The following RYR2 variants were observed in gnomAD, a reference collection of about 807,000 sequenced individuals.
The protein encoded by RYR2 is ryanodine receptor 2, also known as cardiac muscle ryanodine receptor-calcium release channel.
Under a neutral mutation model 601.1 loss-of-function variants are expected in RYR2, and 227 were observed. The ratio of observed to expected loss-of-function variants is 0.38; its 90% CI spans 0.34 to 0.42. The LOEUF is 0.42. RYR2 is among the 10% of genes least tolerant of loss of function. RYR2 has a pLI of 1.00. For synonymous variants in RYR2, 2,223 were observed against 2,175.1 expected (o/e 1.02, Z -0.61); for missense variants, 4,646 against 6,156.5 (o/e 0.75, Z 8.21).
In RYR2 at chr1:237,757,732, C is replaced by T. The variant is rs1693078310; in HGVS notation, c.11281C>T (p.Leu3761Phe). Residue 3761 changes from leucine (L) to phenylalanine (F), a missense_variant, in exon 82 of 105, where the codon CTT becomes TTT. Around this residue, in one of 17 missense-constraint regions of RYR2, gnomAD observed 1,497 missense variants for 1,842.6 expected, o/e 0.81. Coordinates refer to ENST00000366574, the MANE Select transcript of RYR2 (RefSeq NM_001035.3). ...ACCAATGGTAGCAGCTACTCTGAAA[C>T]TTGGAATTGCTATTTTAAATGGTGG... ...TGPMVAATLKLGIAILNGGNS... is the reference protein window; with the variant it reads ...TGPMVAATLKFGIAILNGGNS... 1 of 1,612,012 alleles carries T rather than the reference C, an allele frequency of 6.2e-7. No homozygotes were observed. The highest frequency in any genetic ancestry group is 8.5e-7 in the Non-Finnish European group (1 of 1,178,324).
chr1:237,525,390 G>A (rs772883333), intron 24 of RYR2, among the ~76,000 whole-genome samples: 10 of 152,020 alleles, frequency 6.6e-5, no homozygotes, highest in South Asian at 2.1e-4. Context: ...AGTTGATTCC[G>A]TGACTTTGCT....
At chr1:237,131,123 A>C (rs1672122151) in intron 1 of RYR2, among the ~76,000 whole-genome samples, 1 of 152,164 alleles carries the variant, frequency 6.6e-6, no homozygotes, top group Non-Finnish European at 1.5e-5. Context: ...TGAAGCAGGA[A>C]TACTGAGAAA....
intron 77 of RYR2, among the ~76,000 whole-genome samples, chr1:237,731,646 A>G (rs1166503753): frequency 6.6e-6 from 1 of 152,132 alleles, no homozygotes. Flanking sequence ...GGCATTTGGT[A>G]TTTTTAAATG....
intron 10 of RYR2, among the ~76,000 whole-genome samples, chr1:237,402,422 GATT>G (rs1558758253): frequency 1.3e-5 from 2 of 151,136 alleles, no homozygotes; most frequent in South Asian, 2.1e-4. Context: ...ATATATGTAT[GATT>G]ATTATGTTCT....
At chr1:237,426,333 A>G (rs1706149444) in intron 12 of RYR2, among the ~76,000 whole-genome samples, 1 of 152,156 alleles carries the variant, frequency 6.6e-6, no homozygotes, top group Admixed American at 6.6e-5. Flanking sequence ...AAGCATCTGT[A>G]TCTATATATT....
chr1:237,350,729 A>G (rs560317821), intron 3 of RYR2, among the ~76,000 whole-genome samples: 73 of 150,146 alleles, frequency 4.9e-4, no homozygotes, highest in African/African-American at 1.7e-3. Flanking sequence ...TATAAGAAAA[A>G]TAAAATAATT....
chr1:237,439,643 C>CAAAA (rs879854481), intron 12 of RYR2, among the ~76,000 whole-genome samples: 1 of 135,012 alleles, frequency 7.4e-6, no homozygotes. Context: ...GACTCCATCT[C>CAAAA]AAAAAAAAAA....
At chr1:237,726,854 G>A (rs1690245252) in intron 75 of RYR2, among the ~76,000 whole-genome samples, 1 of 151,956 alleles carries the variant, frequency 6.6e-6, no homozygotes, top group African/African-American at 2.4e-5. Context: ...TCTTACTAAG[G>A]GAATTATATA....
At chr1:237,724,131 A>G (rs1288537563) in intron 74 of RYR2, among the ~76,000 whole-genome samples, 1 of 150,032 alleles carries the variant, frequency 6.7e-6, no homozygotes, top group African/African-American at 2.4e-5. Context: ...AAATAATAAT[A>G]AGATGCCCTA....
chr1:237,571,791 T>G (rs1672730618), intron 29 of RYR2, among the ~76,000 whole-genome samples: 1 of 152,216 alleles, frequency 6.6e-6, no homozygotes, highest in South Asian at 2.1e-4. Flanking sequence ...ACTCAATATC[T>G]ATGTTTAAAA....
chr1:237,806,726 T>G (rs575620445), intron 99 of RYR2, among the ~76,000 whole-genome samples: 1 of 152,338 alleles, frequency 6.6e-6, no homozygotes, highest in Non-Finnish European at 1.5e-5. Flanking sequence ...CATTTTAATG[T>G]AGTATTTTTA....
chr1:237,445,315 G>T, intron 13 of RYR2, 86 bp from the exon 14 acceptor site: 1 of 1,544,128 alleles, frequency 6.5e-7, no homozygotes, highest in Non-Finnish European at 8.8e-7. Context: ...TGTTGTTATG[G>T]CTCAGCTGTT....
chr1:237,101,403 C>T (rs368794068), intron 1 of RYR2, among the ~76,000 whole-genome samples: 16 of 150,480 alleles, frequency 1.1e-4, no homozygotes, highest in Admixed American at 9.9e-4. Context: ...ATCTCCTTAG[C>T]GCAGTGGTAG....
intron 58 of RYR2, among the ~76,000 whole-genome samples, chr1:237,671,373 G>A (rs1684911364): frequency 6.6e-6 from 1 of 152,052 alleles, no homozygotes; most frequent in African/African-American, 2.4e-5. Flanking sequence ...TTCTCACTCA[G>A]AGACATTAAT....
At chr1:237,284,502 A>G (rs1691270216) in intron 2 of RYR2, among the ~76,000 whole-genome samples, 1 of 142,242 alleles carries the variant, frequency 7.0e-6, no homozygotes, top group Non-Finnish European at 1.5e-5. Context: ...TAAAATATAT[A>G]TAAAATATAT....
intron 96 of RYR2, among the ~76,000 whole-genome samples, chr1:237,796,091 A>G (rs1659192158): frequency 6.6e-6 from 1 of 151,818 alleles, no homozygotes; most frequent in African/African-American, 2.4e-5. Flanking sequence ...TGGAGGAGGT[A>G]CAAGTGTTTT....
intron 95 of RYR2, among the ~76,000 whole-genome samples, chr1:237,794,532 G>A (rs1398775959): frequency 6.6e-6 from 1 of 152,184 alleles, no homozygotes; most frequent in Non-Finnish European, 1.5e-5. Flanking sequence ...AGCCCTGTGA[G>A]ATCAAGACCC....
chr1:237,807,875 CAT>C (rs1227222484), intron 99 of RYR2, among the ~76,000 whole-genome samples: 1 of 152,172 alleles, frequency 6.6e-6, no homozygotes, highest in African/African-American at 2.4e-5. Flanking sequence ...AAAAAGTACA[CAT>C]AAAGATAAAG....
chr1:237,724,215 A>ATG (rs1553301028), intron 74 of RYR2, among the ~76,000 whole-genome samples: 12 of 123,134 alleles, frequency 9.7e-5, no homozygotes, highest in African/African-American at 3.5e-4. Flanking sequence ...ATATATATAT[A>ATG]TATGTATGTG....
Sources: allele counts gnomAD v4.1 joint callset (sites outside exome capture counted in the v4.1 genomes callset), GRCh38; gene constraint gnomAD v4.1.1; regional missense constraint gnomAD v4.1.1; transcripts MANE v1.5; gene names NCBI Gene and HGNC (gene_info 2026-07-23, HGNC 2026-07-21).